The following NID2 variants were observed in gnomAD, a reference collection of about 807,000 sequenced individuals.
The protein encoded by NID2 is nidogen-2.
Under a neutral mutation model 145.4 loss-of-function variants are expected in NID2, and 83 were observed. The observed-to-expected ratio is 0.57, with a 90% confidence interval of 0.48 to 0.69. The LOEUF is 0.69. NID2 is among the 30% of genes least tolerant of loss of function. The pLI is 0.00. For missense variants in NID2, 1,807 were observed against 1,765.7 expected, an observed-to-expected ratio of 1.02 and a Z score of -0.42; for synonymous variants, 739 against 701.3, an observed-to-expected ratio of 1.05 and a Z score of -0.85.
At position 52,019,117 on chromosome 14, in the gene NID2, A is replaced by G; in HGVS notation, c.2972T>C (p.Val991Ala). 6.2e-7 allele frequency: 1 copy of G among 1,614,088 alleles called. No homozygotes were observed. Among genetic ancestry groups the G allele is most frequent in the Non-Finnish European group, 8.5e-7 (1 of 1,179,996 alleles). Residue 991 changes from valine to alanine, a missense_variant, in exon 14 of 22, where the codon GTT (valine) becomes GCT (alanine). Coordinates refer to ENST00000216286, the MANE Select transcript of NID2 (RefSeq NM_007361.4). ...GCCAGGTGGAGTCTGGGTACCAGGA[A>G]CTTCATGACCATCAGGGTCCACGCA... ...CWCVDPDGHE[V>A]PGTQTPPGST...
rs59859441 is a variant in NID2 at position 52,055,941 on chromosome 14, T to TTGTGTGTGTTTGTGTG, written c.768-1621_768-1620insCACACAAACACACACA. ...GAAAATGTCTTTCTCTTGTGTGTGT[T>TTGTGTGTGTTTGTGTG]TGTGTGTGTGTGTGTGTATGCATGT... On this transcript the variant is annotated intron_variant, in intron 3 of 21. Coordinates refer to ENST00000216286, the MANE Select transcript of NID2 (RefSeq NM_007361.4). Among the ~76,000 whole-genome samples, 1,374 of 150,594 alleles carry TTGTGTGTGTTTGTGTG rather than the reference T, an allele frequency of 9.1e-3. 12 individuals are homozygous for TTGTGTGTGTTTGTGTG. Among genetic ancestry groups the TTGTGTGTGTTTGTGTG allele is most frequent in the Middle Eastern group, 0.045 (13 of 290 alleles).
intron 9 of NID2, among the ~76,000 whole-genome samples, chr14:52,030,560 G>GAA (rs1222355771): frequency 5.6e-5 from 3 of 53,122 alleles, no homozygotes; most frequent in Non-Finnish European, 1.2e-4. Flanking sequence ...AAGAAAGAAA[G>GAA]AAAGAAAGGA....
chr14:52,063,838 C>T (rs1429611149), intron 2 of NID2, among the ~76,000 whole-genome samples: 3 of 152,188 alleles, frequency 2.0e-5, no homozygotes, highest in African/African-American at 4.8e-5. Context: ...GACTGTCCCT[C>T]ATTTATTTTA....
chr14:52,057,659 C>T (rs1033252159), intron 3 of NID2, among the ~76,000 whole-genome samples: 4 of 133,534 alleles, frequency 3.0e-5, no homozygotes, highest in Non-Finnish European at 6.1e-5. Context: ...CACAAGATCA[C>T]ACCACTACAC....
In NID2 at chr14:52,060,314, T is replaced by TA; in HGVS notation, c.576dup (p.Ser193Ter). The TA allele has an allele frequency of 6.3e-7, 1 of 1,596,844 alleles. No individual in the cohort carries two copies. Among genetic ancestry groups the TA allele is most frequent in the Non-Finnish European group, 8.5e-7 (1 of 1,172,862 alleles). ...GCAGGATAAAGAAAGAGGGCGTAGC[T>TA]ATCAGACCCATCAGATGCCAAAACT... On this transcript the variant is annotated frameshift_variant, in exon 3 of 22. Coordinates refer to ENST00000216286, the MANE Select transcript of NID2 (RefSeq NM_007361.4). LOFTEE classifies it high-confidence loss of function.
chr14:52,005,514 G>C lies in NID2; in HGVS notation c.4118-18C>G. 1 of 1,594,006 alleles carries C rather than the reference G, an allele frequency of 6.3e-7. No homozygotes were observed. The highest frequency in any genetic ancestry group is 8.5e-7 in the Non-Finnish European group (1 of 1,172,620). ...CTTTCTTCCTGTGAGAGAAGAGCAGGGGTGGGACAGGGTGGTGGGTGAGTA... is the reference window on the plus strand; with the variant it reads ...CTTTCTTCCTGTGAGAGAAGAGCAGCGGTGGGACAGGGTGGTGGGTGAGTA... On this transcript the variant is annotated intron_variant, in intron 21 of 21. Coordinates refer to ENST00000216286, the MANE Select transcript of NID2 (RefSeq NM_007361.4).
At chr14:52,061,092 T>C (rs1893009219) in intron 2 of NID2, among the ~76,000 whole-genome samples, 1 of 152,190 alleles carries the variant, frequency 6.6e-6, no homozygotes, top group Non-Finnish European at 1.5e-5. Flanking sequence ...CCTGGCTGCA[T>C]ACGTCCCTCC....
At chr14:52,033,031 G>A (rs1413412139) in intron 9 of NID2, among the ~76,000 whole-genome samples, 1 of 152,172 alleles carries the variant, frequency 6.6e-6, no homozygotes, top group African/African-American at 2.4e-5. Context: ...TCTGAGCACA[G>A]GGCCCCATTC....
chr14:52,035,527 C>T (rs187940828), intron 9 of NID2, among the ~76,000 whole-genome samples: 56 of 152,240 alleles, frequency 3.7e-4, no homozygotes, highest in African/African-American at 1.2e-3. Flanking sequence ...TACTTTGAGA[C>T]GGGGTCTTGT....
At chr14:52,029,237 G>A (rs1044592671) in intron 10 of NID2, among the ~76,000 whole-genome samples, 10 of 151,932 alleles carry the variant, frequency 6.6e-5, no homozygotes, top group African/African-American at 2.4e-4. Context: ...TGTGCTTTTT[G>A]GTAAGTCTAA....
Position 52,053,881 on chromosome 14 carries a change from C to T in NID2, c.1127G>A (p.Gly376Asp), listed in dbSNP as rs761131138. ...KEGTSLGEVG[G>D]PDLKGQVEPW... Reference sequence around the variant, plus strand: ...CTCAACTTGGCCTTTTAAATCTGGGCCCCCTACCTCTCCCAGAGATGTTCC... The same window carrying T: ...CTCAACTTGGCCTTTTAAATCTGGGTCCCCTACCTCTCCCAGAGATGTTCC... The change falls in exon 5 of 22, where the codon GGC (glycine) becomes GAC (aspartate). Residue 376 changes from glycine to aspartate, a missense_variant. Coordinates refer to ENST00000216286, the MANE Select transcript of NID2 (RefSeq NM_007361.4). 6.8e-6 allele frequency: 11 copies of T among 1,614,084 alleles called. No individual in the cohort carries two copies. Among genetic ancestry groups the T allele is most frequent in the South Asian group, 1.1e-5 (1 of 91,074 alleles).
intron 5 of NID2, among the ~76,000 whole-genome samples, chr14:52,045,528 G>A (rs1255368282): frequency 4.0e-5 from 5 of 125,136 alleles, no homozygotes; most frequent in Admixed American, 1.7e-4. Context: ...AACTTAAACA[G>A]AAAAGTGATA....
Position 52,019,162 on chromosome 14 carries a change from C to A in NID2, c.2927G>T (p.Gly976Val), listed in dbSNP as rs377171157. 3.7e-6 allele frequency: 6 copies of A among 1,614,116 alleles called. No homozygotes were observed. In the South Asian group the frequency reaches 6.6e-5, roughly 18 times the overall value. The change falls in exon 14 of 22, where the codon GGC becomes GTC. Residue 976 changes from glycine (G) to valine (V), a missense_variant. Coordinates refer to ENST00000216286, the MANE Select transcript of NID2 (RefSeq NM_007361.4). Reference protein sequence around the residue: ...QGNFLPLQCHGSTGFCWCVDP... With the variant: ...QGNFLPLQCHVSTGFCWCVDP... ...CACGCACCAGCAGAAACCAGTGCTG[C>A]CATGACACTGTAGGGGCAGGAAGTT... is the stretch of plus-strand genomic sequence containing the variant.
intron 9 of NID2, among the ~76,000 whole-genome samples, chr14:52,032,776 G>C (rs1891912236): frequency 1.4e-5 from 2 of 140,424 alleles, no homozygotes; most frequent in Non-Finnish European, 3.0e-5. Flanking sequence ...TGGACATCAA[G>C]AGCTTACCAC....
intron 19 of NID2, 62 bp from the exon 20 acceptor site, chr14:52,006,722 TAGTGATAGTGACAC>T: frequency 6.4e-7 from 1 of 1,557,656 alleles, no homozygotes; most frequent in Non-Finnish European, 8.8e-7. Context: ...GATAGTGACA[TAGTGATAGTGACAC>T]AGTGATAGAA....
intron 17 of NID2, 135 bp from the exon 18 acceptor site, chr14:52,011,182 CAGGTT>C: frequency 2.6e-6 from 2 of 757,660 alleles, no homozygotes; most frequent in South Asian, 3.6e-5. Flanking sequence ...CCCCAAGAAC[CAGGTT>C]AATAGAGAAA....
At chr14:52,012,043 TAAA>T (rs3030364) in intron 16 of NID2, 5 of 148,572 alleles carry the variant, frequency 3.4e-5, no homozygotes, top group East Asian at 2.0e-4. Flanking sequence ...ACTGATGATT[TAAA>T]AAAAAAAAAA....
intron 18 of NID2, chr14:52,009,899 A>G (rs1890941290): frequency 6.6e-6 from 1 of 152,314 alleles, no homozygotes; most frequent in Non-Finnish European, 1.5e-5. Flanking sequence ...AGGCAGGAGA[A>G]TTGCTTGAAC....
At chr14:52,028,268 T>A (rs1460014743) in intron 11 of NID2, among the ~76,000 whole-genome samples, 1 of 29,890 alleles carries the variant, frequency 3.3e-5, no homozygotes. Context: ...TTGAGAGATT[T>A]TGTTGTTTTT....
Sources: allele counts gnomAD v4.1 joint callset (sites outside exome capture counted in the v4.1 genomes callset), GRCh38; gene constraint gnomAD v4.1.1; transcripts MANE v1.5; gene names NCBI Gene and HGNC (gene_info 2026-07-23, HGNC 2026-07-21).